Variants in RNLS observed in about 807,000 individuals in gnomAD.
The protein encoded by RNLS is renalase, FAD dependent amine oxidase, also known as renalase.
In RNLS, 39 loss-of-function variants were observed where a neutral mutation model predicts 39.8. The observed-to-expected ratio is 0.98, with a 90% CI of 0.76 to 1.28. The LOEUF (loss-of-function observed/expected upper bound fraction) is 1.28. RNLS is among the 50% of genes most tolerant of loss of function. RNLS has a pLI of 0.00. For missense variants in RNLS, 410 were observed against 413.3 expected (o/e 0.99, Z 0.07); for synonymous variants, 147 against 150.7 (o/e 0.98, Z 0.18).
chr10:88,471,654 G>GT (rs1843535527), intron 4 of RNLS, among the ~76,000 whole-genome samples: 1 of 152,184 alleles, frequency 6.6e-6, no homozygotes, highest in African/African-American at 2.4e-5. Context: ...AATTCACAGG[G>GT]TATCGTTTAC....
At chr10:88,186,177 A>G in the RNLS span, among the ~76,000 whole-genome samples, 13,072 of 152,272 alleles carry the variant, frequency 0.086, 579 homozygotes, top group Middle Eastern at 0.11. Flanking sequence ...AATGCTTTTT[A>G]ATAAATGAGC....
chr10:88,510,549 A>G (rs1216085133), intron 4 of RNLS, among the ~76,000 whole-genome samples: 2 of 152,114 alleles, frequency 1.3e-5, no homozygotes, highest in African/African-American at 4.8e-5. Flanking sequence ...CACCAGAGGT[A>G]AAAATAAGTA....
intron 4 of RNLS, among the ~76,000 whole-genome samples, chr10:88,540,929 G>A (rs1254509690): frequency 6.7e-6 from 1 of 149,980 alleles, no homozygotes; most frequent in African/African-American, 2.5e-5. Flanking sequence ...AGGTTTCGAT[G>A]TCACCATGAT....
chr10:88,175,468 T>G, the RNLS span, among the ~76,000 whole-genome samples: 4 of 152,224 alleles, frequency 2.6e-5, no homozygotes, highest in Middle Eastern at 3.2e-3. Flanking sequence ...TTCAAGAATT[T>G]TAAAATTTCC....
the RNLS span, among the ~76,000 whole-genome samples, chr10:88,242,540 CTG>C: frequency 1.3e-5 from 2 of 152,238 alleles, no homozygotes; most frequent in South Asian, 2.1e-4. Flanking sequence ...AAAAAAATCT[CTG>C]TTTTTTTTCT....
chr10:88,523,839 C>G (rs1283068831), intron 4 of RNLS, among the ~76,000 whole-genome samples: 1 of 152,126 alleles, frequency 6.6e-6, no homozygotes, highest in Non-Finnish European at 1.5e-5. Context: ...TCCTTCCTCC[C>G]TTACCATTGA....
chr10:88,197,708 T>A, the RNLS span, among the ~76,000 whole-genome samples: 1 of 152,208 alleles, frequency 6.6e-6, no homozygotes, highest in Non-Finnish European at 1.5e-5. Context: ...TAATTAAGGT[T>A]AAATGAGTTC....
chr10:88,362,783 C>T (rs1311903478), intron 4 of RNLS, 58 bp from the exon 5 acceptor site: 14 of 1,512,326 alleles, frequency 9.3e-6, no homozygotes, highest in East Asian at 2.3e-5. Context: ...CCTTTTAGCA[C>T]ATCAAATATA....
At chr10:88,480,428 T>C (rs754366278) in intron 4 of RNLS, among the ~76,000 whole-genome samples, 1 of 152,264 alleles carries the variant, frequency 6.6e-6, no homozygotes, top group Admixed American at 6.5e-5. Context: ...ATTCATACTT[T>C]TCTTTTTTTT....
At chr10:88,581,747 T>C (rs769800128) in intron 2 of RNLS, 38 bp from the exon 3 acceptor site, 12 of 1,343,994 alleles carry the variant, frequency 8.9e-6, no homozygotes, top group Non-Finnish European at 1.2e-5. Flanking sequence ...TGTAATTATA[T>C]ACCATGAATA....
chr10:88,187,787 A>T, the RNLS span, among the ~76,000 whole-genome samples: 1 of 152,238 alleles, frequency 6.6e-6, no homozygotes, highest in Admixed American at 6.5e-5. Context: ...GAACTTGAAT[A>T]ATTATGAATA....
chr10:88,356,904 T>C (rs1056015284), intron 5 of RNLS, among the ~76,000 whole-genome samples: 5 of 152,140 alleles, frequency 3.3e-5, no homozygotes, highest in East Asian at 1.9e-4. Flanking sequence ...GGCTATTTTA[T>C]TGATCATTAA....
chr10:88,241,442 T>G, the RNLS span, among the ~76,000 whole-genome samples: 316 of 152,340 alleles, frequency 2.1e-3, 1 homozygote, highest in Non-Finnish European at 3.4e-3. Context: ...TGGCCTAAAG[T>G]TGTTCATGTG....
intron 4 of RNLS, among the ~76,000 whole-genome samples, chr10:88,364,942 A>G (rs759426765): frequency 6.6e-6 from 1 of 152,134 alleles, no homozygotes. Flanking sequence ...TTAGCTACTT[A>G]GTAACTGAAA....
At chr10:88,459,896 C>G (rs78612020) in intron 4 of RNLS, among the ~76,000 whole-genome samples, 1 of 152,258 alleles carries the variant, frequency 6.6e-6, no homozygotes, top group East Asian at 1.9e-4. Context: ...CCCTACAATT[C>G]ACAGCTGAGA....
chr10:88,282,492 C>T (rs1440048818), downstream of RNLS, among the ~76,000 whole-genome samples: 2 of 130,986 alleles, frequency 1.5e-5, no homozygotes, highest in Admixed American at 7.5e-5. Flanking sequence ...CACACACACA[C>T]ACACACACAC....
chr10:88,550,032 G>A (rs1564891446), intron 4 of RNLS, among the ~76,000 whole-genome samples: 1 of 151,958 alleles, frequency 6.6e-6, no homozygotes, highest in African/African-American at 2.4e-5. Context: ...CTAAAGTTTT[G>A]GGGGGTTGTT....
the RNLS span, among the ~76,000 whole-genome samples, chr10:88,183,102 G>C: frequency 2.0e-4 from 31 of 152,172 alleles, 1 homozygote; most frequent in Admixed American, 1.7e-3. Context: ...GTTCAGTGAA[G>C]AAGGTACTTT....
intron 4 of RNLS, among the ~76,000 whole-genome samples, chr10:88,451,963 A>T (rs910712550): frequency 3.9e-5 from 6 of 152,204 alleles, no homozygotes; most frequent in African/African-American, 1.4e-4. Context: ...CAGGGGCATA[A>T]CCCACTGCAA....
Sources: allele counts gnomAD v4.1 joint callset (sites outside exome capture counted in the v4.1 genomes callset), GRCh38; gene constraint gnomAD v4.1.1; transcripts MANE v1.5; gene names NCBI Gene and HGNC (gene_info 2026-07-23, HGNC 2026-07-21).